MEI4: variants seen among roughly 807,000 people sequenced by gnomAD.
The protein encoded by MEI4 is meiotic double-stranded break formation protein 4.
In MEI4, 27 loss-of-function variants were observed where a neutral mutation model predicts 31.4. The observed-to-expected ratio is 0.86, with a 90% CI of 0.63 to 1.19. The LOEUF (loss-of-function observed/expected upper bound fraction) is 1.19, where lower values mean the gene tolerates loss of function less well. Ranked by LOEUF, MEI4 falls within the 50% of genes most tolerant of loss-of-function variation. The pLI, the probability that MEI4 is intolerant of heterozygous loss-of-function variation, is 0.00. For synonymous variants in MEI4, 122 were observed against 145.4 expected, an observed-to-expected ratio of 0.84 and a Z score of 1.16; for missense variants, 329 against 398.9, an observed-to-expected ratio of 0.82 and a Z score of 1.49.
intron 4 of MEI4, among the ~76,000 whole-genome samples, chr6:77,852,814 C>A (rs1582216440): frequency 6.6e-6 from 1 of 152,000 alleles, no homozygotes; most frequent in African/African-American, 2.4e-5. Flanking sequence ...AATTCCATCA[C>A]ATTATTAAGT....
At chr6:77,788,595 C>T (rs1391511399) in intron 3 of MEI4, among the ~76,000 whole-genome samples, 1 of 152,014 alleles carries the variant, frequency 6.6e-6, no homozygotes, top group Non-Finnish European at 1.5e-5. Context: ...CACAAGCATT[C>T]TTATACACCA....
At chr6:77,826,718 C>T (rs1171880328) in intron 3 of MEI4, among the ~76,000 whole-genome samples, 1 of 152,002 alleles carries the variant, frequency 6.6e-6, no homozygotes, top group East Asian at 1.9e-4. Flanking sequence ...GAATCCAGGG[C>T]TCTACCTAAT....
intron 2 of MEI4, among the ~76,000 whole-genome samples, chr6:77,741,934 A>G (rs1425237277): frequency 1.3e-5 from 2 of 151,752 alleles, no homozygotes; most frequent in Non-Finnish European, 2.9e-5. Flanking sequence ...CCATGTCCCT[A>G]CAAAGGACAT....
chr6:77,862,905 T>C (rs1362369770), intron 4 of MEI4, among the ~76,000 whole-genome samples: 1 of 152,156 alleles, frequency 6.6e-6, no homozygotes, highest in Non-Finnish European at 1.5e-5. Flanking sequence ...GGCAGCAACA[T>C]TGGCTGTTCA....
chr6:77,789,265 TA>T (rs1397793207), intron 3 of MEI4, among the ~76,000 whole-genome samples: 1 of 152,148 alleles, frequency 6.6e-6, no homozygotes, highest in African/African-American at 2.4e-5. Flanking sequence ...CAAGATGGAT[TA>T]AAGACTTAAA....
At chr6:77,672,033 G>A (rs1768753041) in intron 1 of MEI4, among the ~76,000 whole-genome samples, 2 of 152,312 alleles carry the variant, frequency 1.3e-5, no homozygotes, top group South Asian at 4.1e-4. Flanking sequence ...TGCATATAGA[G>A]CTAGCTCTCT....
intron 1 of MEI4, among the ~76,000 whole-genome samples, chr6:77,671,880 G>A (rs1768750186): frequency 6.6e-6 from 1 of 152,170 alleles, no homozygotes; most frequent in Non-Finnish European, 1.5e-5. Flanking sequence ...CATGAACAAA[G>A]TCTAGGAAAC....
At chr6:77,699,316 A>C (rs1766147468) in intron 2 of MEI4, among the ~76,000 whole-genome samples, 2 of 149,772 alleles carry the variant, frequency 1.3e-5, no homozygotes, top group Middle Eastern at 3.2e-3. Context: ...CAGCCTCCCA[A>C]GTAGCTGGGA....
chr6:77,833,170 C>T (rs1203118249), intron 4 of MEI4, among the ~76,000 whole-genome samples: 1 of 151,646 alleles, frequency 6.6e-6, no homozygotes, highest in Non-Finnish European at 1.5e-5. Flanking sequence ...CATTTTCTTA[C>T]CATGATTATT....
intron 2 of MEI4, among the ~76,000 whole-genome samples, chr6:77,714,972 T>TA (rs1299328706): frequency 3.3e-5 from 5 of 152,204 alleles, no homozygotes; most frequent in African/African-American, 1.2e-4. Flanking sequence ...TGCCCTGCGT[T>TA]TCCTGAGTTC....
At chr6:77,804,890 T>A (rs1160047837) in intron 3 of MEI4, among the ~76,000 whole-genome samples, 2 of 152,230 alleles carry the variant, frequency 1.3e-5, no homozygotes, top group East Asian at 3.9e-4. Flanking sequence ...GTCACATGTA[T>A]GCTTATAAAT....
intron 4 of MEI4, among the ~76,000 whole-genome samples, chr6:77,861,820 T>C (rs1770873394): frequency 6.6e-6 from 1 of 152,240 alleles, no homozygotes; most frequent in Non-Finnish European, 1.5e-5. Flanking sequence ...GTCCAGTATC[T>C]GACACACAGT....
At chr6:77,797,705 C>G (rs1769118454) in intron 3 of MEI4, among the ~76,000 whole-genome samples, 1 of 152,100 alleles carries the variant, frequency 6.6e-6, no homozygotes, top group Non-Finnish European at 1.5e-5. Context: ...AAGTTGAAAG[C>G]CGGAAGACTC....
chr6:77,801,153 A>G (rs1769244620), intron 3 of MEI4, among the ~76,000 whole-genome samples: 3 of 152,294 alleles, frequency 2.0e-5, no homozygotes, highest in Non-Finnish European at 4.4e-5. Context: ...GCTATTAATT[A>G]TTGCCTCAAT....
chr6:77,781,157 C>T (rs535184203), intron 3 of MEI4, among the ~76,000 whole-genome samples: 1 of 152,198 alleles, frequency 6.6e-6, no homozygotes, highest in South Asian at 2.1e-4. Flanking sequence ...CTTAGCCTCC[C>T]AATGTGCTGG....
intron 3 of MEI4, among the ~76,000 whole-genome samples, chr6:77,811,942 A>C (rs1405336085): frequency 6.6e-6 from 1 of 152,122 alleles, no homozygotes; most frequent in Admixed American, 6.6e-5. Context: ...TGATATGTGT[A>C]TGTGATTTCT....
chr6:77,783,962 A>C (rs1327519077), intron 3 of MEI4, among the ~76,000 whole-genome samples: 3 of 152,162 alleles, frequency 2.0e-5, no homozygotes, highest in Non-Finnish European at 4.4e-5. Context: ...TAGCAATCTA[A>C]TCTTAAATAA....
intron 4 of MEI4, among the ~76,000 whole-genome samples, chr6:77,836,091 G>T (rs1770213327): frequency 6.6e-6 from 1 of 151,940 alleles, no homozygotes; most frequent in African/African-American, 2.4e-5. Context: ...TGTATTGCAT[G>T]TCCTCAAGAT....
At chr6:77,851,025 C>T (rs1032468000) in intron 4 of MEI4, among the ~76,000 whole-genome samples, 27 of 152,252 alleles carry the variant, frequency 1.8e-4, no homozygotes, top group African/African-American at 6.0e-4. Flanking sequence ...AGCCAAAAGA[C>T]ACATGAAAAA....
Sources: allele counts gnomAD v4.1 joint callset (sites outside exome capture counted in the v4.1 genomes callset), GRCh38; gene constraint gnomAD v4.1.1; transcripts MANE v1.5; gene names NCBI Gene and HGNC (gene_info 2026-07-23, HGNC 2026-07-21).